ZFAT: variants seen among roughly 807,000 people sequenced by gnomAD.
ZFAT encodes zinc finger protein ZFAT.
In ZFAT, 64 loss-of-function variants were observed where a neutral mutation model predicts 117.7. That is an observed-to-expected ratio of 0.54 (90% CI 0.44 to 0.67). ZFAT has a LOEUF of 0.67. Among genes scored for constraint, ZFAT ranks in the 30% least tolerant of loss-of-function variants. The pLI is 0.00. For synonymous variants in ZFAT, 679 were observed against 615.0 expected, an observed-to-expected ratio of 1.10 and a Z score of -1.54; for missense variants, 1,433 against 1,584.5, an observed-to-expected ratio of 0.90 and a Z score of 1.62.
intron 13 of ZFAT, 62 bp from the exon 14 acceptor site, chr8:134,512,663 A>ATAACATAACTT: frequency 6.4e-7 from 1 of 1,573,462 alleles, no homozygotes; most frequent in African/African-American, 1.4e-5. Context: ...CAGAAGTTCC[A>ATAACATAACTT]AGATAACATA....
At chr8:134,782,991 A>G in the ZFAT span, among the ~76,000 whole-genome samples, 2 of 151,508 alleles carry the variant, frequency 1.3e-5, no homozygotes, top group East Asian at 3.9e-4. Context: ...ATATATATAT[A>G]CACACACACA....
intron 11 of ZFAT, among the ~76,000 whole-genome samples, chr8:134,539,772 A>C (rs1424560314): frequency 3.3e-5 from 5 of 152,230 alleles, no homozygotes; most frequent in African/African-American, 4.8e-5. Flanking sequence ...TTTACAACAC[A>C]GAAGGACCTT....
chr8:134,809,508 T>C, the ZFAT span, among the ~76,000 whole-genome samples: 1 of 152,106 alleles, frequency 6.6e-6, no homozygotes, highest in African/African-American at 2.4e-5. Flanking sequence ...AGATTTTGAG[T>C]TTTAAAACCA....
intron 11 of ZFAT, among the ~76,000 whole-genome samples, chr8:134,539,111 G>A (rs1019907243): frequency 6.6e-5 from 10 of 152,148 alleles, no homozygotes; most frequent in Admixed American, 4.6e-4. Flanking sequence ...ACTGGGTTCC[G>A]AAAAACCTGA....
rs771165696 is a variant in ZFAT at position 134,608,722 on chromosome 8, A to G, written c.785+7T>C. On this transcript the variant is annotated splice_region_variant and intron_variant, in intron 5 of 15. Transcript: ENST00000377838. ...TGGCTGAAGTTACACAGAACAAAAC[A>G]CTTTACCTGCTTGACTTCATTGGTT... The G allele has an allele frequency of 2.5e-6, 4 of 1,609,634 alleles. No homozygotes were observed. The East Asian group carries it at 9.0e-5, about 36-fold the overall frequency.
chr8:134,801,553 T>C, the ZFAT span, among the ~76,000 whole-genome samples: 4 of 152,110 alleles, frequency 2.6e-5, no homozygotes, highest in South Asian at 2.1e-4. Flanking sequence ...TCCAAAAGCA[T>C]TGGTTCTCAA....
the ZFAT span, among the ~76,000 whole-genome samples, chr8:134,719,393 C>T: frequency 3.9e-5 from 6 of 152,108 alleles, no homozygotes; most frequent in African/African-American, 1.2e-4. Flanking sequence ...TTGAGTGCCA[C>T]GGGTGGGGGC....
At chr8:134,625,422 C>A (rs932921601) in intron 3 of ZFAT, among the ~76,000 whole-genome samples, 16 of 152,176 alleles carry the variant, frequency 1.1e-4, no homozygotes, top group Non-Finnish European at 2.2e-4. Flanking sequence ...TCCCCCAGTC[C>A]CAAGTCATCC....
intron 1 of ZFAT, among the ~76,000 whole-genome samples, chr8:134,700,057 A>T (rs1833969296): frequency 6.6e-6 from 1 of 152,242 alleles, no homozygotes; most frequent in Non-Finnish European, 1.5e-5. Flanking sequence ...CACTGAGTTC[A>T]ACGTGGGCTT....
chr8:134,596,329 T>G (rs116456267), intron 7 of ZFAT, among the ~76,000 whole-genome samples: 4,334 of 152,340 alleles, frequency 0.028, 209 homozygotes, highest in African/African-American at 0.098. Context: ...TCCACAGACG[T>G]AGAGCCAGAA....
In ZFAT at chr8:134,694,209, T is replaced by C. The variant is rs1010025879; in HGVS notation, c.19+18636A>G. On this transcript the variant is annotated intron_variant, in intron 1 of 15. Coordinates refer to ENST00000377838, the MANE Select transcript of ZFAT (RefSeq NM_020863.4). Reference sequence around the variant, plus strand: ...TGGAATGAGGCACGTGGCTGAGGTGTCCTTCCGCCATAAAGGGTGTCGCTG... The same window carrying C: ...TGGAATGAGGCACGTGGCTGAGGTGCCCTTCCGCCATAAAGGGTGTCGCTG... Among the ~76,000 whole-genome samples, 3 of 152,290 alleles carry C rather than the reference T, an allele frequency of 2.0e-5. No individual in the cohort carries two copies. The East Asian group carries it at 5.8e-4, about 29-fold the overall frequency.
the ZFAT span, among the ~76,000 whole-genome samples, chr8:134,807,099 A>G: frequency 6.6e-6 from 1 of 152,360 alleles, no homozygotes; most frequent in Non-Finnish European, 1.5e-5. Context: ...AAAAAAATGG[A>G]TATTACTGAG....
chr8:134,674,558 G>T (rs1481985395), intron 1 of ZFAT, among the ~76,000 whole-genome samples: 1 of 152,238 alleles, frequency 6.6e-6, no homozygotes, highest in Non-Finnish European at 1.5e-5. Flanking sequence ...TGTGGGTGGA[G>T]CCTCAGCAGT....
intron 3 of ZFAT, among the ~76,000 whole-genome samples, chr8:134,628,338 A>G (rs56292909): frequency 0.23 from 35,081 of 152,050 alleles, 4,443 homozygotes; most frequent in African/African-American, 0.33. Context: ...CTGCAGATCT[A>G]GAGGTGGGCA....
the ZFAT span, among the ~76,000 whole-genome samples, chr8:134,830,953 C>A: frequency 6.6e-6 from 1 of 152,162 alleles, no homozygotes; most frequent in Non-Finnish European, 1.5e-5. Context: ...GGAAAAAAAT[C>A]AGCAAAAGCA....
chr8:134,722,777 CT>C, the ZFAT span, among the ~76,000 whole-genome samples: 1 of 152,194 alleles, frequency 6.6e-6, no homozygotes, highest in African/African-American at 2.4e-5. Context: ...GTGTTATTGA[CT>C]GAACTGTGCC....
chr8:134,493,968 TC>T (rs1430901591), intron 15 of ZFAT, among the ~76,000 whole-genome samples: 5 of 152,128 alleles, frequency 3.3e-5, no homozygotes, highest in South Asian at 4.2e-4. Flanking sequence ...CAGGCAGAGT[TC>T]CCCCCTCCTC....
chr8:134,535,468 G>GCTCCCT (rs1821759322), intron 11 of ZFAT, among the ~76,000 whole-genome samples: 1 of 145,754 alleles, frequency 6.9e-6, no homozygotes, highest in Non-Finnish European at 1.5e-5. Flanking sequence ...CCTTTCCAGA[G>GCTCCCT]CTCCCTCTCC....
chr8:134,760,358 A>G, the ZFAT span, among the ~76,000 whole-genome samples: 1 of 152,064 alleles, frequency 6.6e-6, no homozygotes, highest in African/African-American at 2.4e-5. Flanking sequence ...AAGAACATCC[A>G]TAGGGAAGAA....
Sources: allele counts gnomAD v4.1 joint callset (sites outside exome capture counted in the v4.1 genomes callset), GRCh38; gene constraint gnomAD v4.1.1; transcripts MANE v1.5; gene names NCBI Gene and HGNC (gene_info 2026-07-23, HGNC 2026-07-21).